TNRC18: variants seen among roughly 807,000 people sequenced by gnomAD.
The protein encoded by TNRC18 is trinucleotide repeat-containing gene 18 protein.
Under a neutral mutation model 226.7 loss-of-function variants are expected in TNRC18, and 69 were observed. The ratio of observed to expected loss-of-function variants is 0.30; its 90% CI spans 0.25 to 0.37. The LOEUF (loss-of-function observed/expected upper bound fraction) is 0.37. Among genes scored for constraint, TNRC18 ranks in the 10% least tolerant of loss-of-function variants. The pLI is 1.00. For missense variants in TNRC18, 4,754 were observed against 4,256.6 expected (o/e 1.12, Z -3.25); for synonymous variants, 2,449 against 1,927.6 (o/e 1.27, Z -7.09).
At chr7:5,321,299 G>A (rs1583760207) in intron 21 of TNRC18, 109 bp from the exon 22 acceptor site, 13 of 777,664 alleles carry the variant, frequency 1.7e-5, no homozygotes, top group East Asian at 2.8e-5. Context: ...CCCTGGTACC[G>A]GGTGGGCCTG....
chr7:5,353,305 G>T (rs917652361), intron 16 of TNRC18, among the ~76,000 whole-genome samples: 1 of 152,184 alleles, frequency 6.6e-6, no homozygotes, highest in African/African-American at 2.4e-5. Flanking sequence ...GGGAGGCTGA[G>T]GCGGGCAGCT....
intron 17 of TNRC18, among the ~76,000 whole-genome samples, chr7:5,351,127 G>T (rs1401049594): frequency 6.6e-6 from 1 of 152,022 alleles, no homozygotes; most frequent in Non-Finnish European, 1.5e-5. Context: ...CGCTACCAGG[G>T]ATATTTGAAT....
intron 5 of TNRC18, among the ~76,000 whole-genome samples, chr7:5,385,069 C>A (rs11766057): frequency 0.15 from 22,984 of 152,336 alleles, 2,315 homozygotes; most frequent in Middle Eastern, 0.24. Context: ...GTGGCTCCAC[C>A]GGGAGGTGAA....
In TNRC18 at chr7:5,332,677, G is replaced by A. The variant is rs757624345; in HGVS notation, c.6092C>T (p.Pro2031Leu). ...CCCGGCGTCCTTGCGCGGGCTCAGGGGGCCGCCCTTGGCGCAGCGGCTGGT... is the reference window on the plus strand; with the variant it reads ...CCCGGCGTCCTTGCGCGGGCTCAGGAGGCCGCCCTTGGCGCAGCGGCTGGT... ...TKTSRCAKGG[P>L]LSPRKDAGRA... The change falls in exon 19 of 30, where the codon CCC becomes CTC. Residue 2031 changes from proline (P) to leucine (L), a missense_variant. By Grantham distance (98) the Pro-to-Leu change is moderately conservative. Coordinates refer to ENST00000430969, the MANE Select transcript of TNRC18 (RefSeq NM_001080495.3). 1.1e-5 allele frequency: 17 copies of A among 1,531,126 alleles called. No individual in the cohort carries two copies. The Admixed American group carries it at 3.3e-4, about 30-fold the overall frequency. 94.8% of individuals were successfully genotyped at this position (1,531,126 alleles called of 1,614,324 possible).
intron 19 of TNRC18, among the ~76,000 whole-genome samples, chr7:5,330,286 G>A (rs1227201122): frequency 6.6e-6 from 1 of 152,068 alleles, no homozygotes; most frequent in African/African-American, 2.4e-5. Context: ...CTGGAGTGAG[G>A]CAGTATGATC....
intron 2 of TNRC18, among the ~76,000 whole-genome samples, chr7:5,395,110 T>C (rs774239101): frequency 6.6e-5 from 10 of 151,398 alleles, no homozygotes; most frequent in Non-Finnish European, 1.2e-4. Context: ...GCCAGCCCCG[T>C]GTGCCCATTT....
intron 19 of TNRC18, among the ~76,000 whole-genome samples, chr7:5,327,604 T>C (rs563062519): frequency 2.0e-5 from 3 of 152,020 alleles, no homozygotes; most frequent in African/African-American, 7.2e-5. Flanking sequence ...CAAAAGGAAA[T>C]GACAGCAGAA....
intron 2 of TNRC18, among the ~76,000 whole-genome samples, chr7:5,403,287 A>T (rs1037483064): frequency 6.6e-6 from 1 of 151,686 alleles, no homozygotes; most frequent in African/African-American, 2.4e-5. Flanking sequence ...CAGCCTCCCG[A>T]GTAGCTGGGA....
chr7:5,341,288 G>T (rs1473745849), intron 18 of TNRC18, among the ~76,000 whole-genome samples: 1 of 151,370 alleles, frequency 6.6e-6, no homozygotes, highest in African/African-American at 2.4e-5. Context: ...GCATGGTGGC[G>T]GGCACCTGTA....
intron 17 of TNRC18, among the ~76,000 whole-genome samples, chr7:5,348,272 G>A (rs952465400): frequency 7.2e-5 from 11 of 152,230 alleles, no homozygotes; most frequent in Non-Finnish European, 5.9e-5. Context: ...CCATGAGCAG[G>A]TGACAGGGGT....
chr7:5,400,806 A>G (rs1001703177), intron 2 of TNRC18, among the ~76,000 whole-genome samples: 1 of 152,122 alleles, frequency 6.6e-6, no homozygotes, highest in Non-Finnish European at 1.5e-5. Flanking sequence ...CCAGAGGTCA[A>G]GGTGGGCAGC....
At chr7:5,365,836 G>A (rs1237876628) in intron 11 of TNRC18, among the ~76,000 whole-genome samples, 2 of 151,952 alleles carry the variant, frequency 1.3e-5, no homozygotes, top group African/African-American at 2.4e-5. Flanking sequence ...TTGGGAGGCC[G>A]AGGCGGGCGG....
intron 5 of TNRC18, among the ~76,000 whole-genome samples, chr7:5,387,201 G>A (rs1424934721): frequency 6.6e-6 from 1 of 152,178 alleles, no homozygotes; most frequent in Non-Finnish European, 1.5e-5. Flanking sequence ...TATCAAGACC[G>A]TGAGGATGTT....
chr7:5,378,100 AC>A, intron 5 of TNRC18, 76 bp from the exon 6 acceptor site: 1 of 1,246,038 alleles, frequency 8.0e-7, no homozygotes, highest in Non-Finnish European at 1.1e-6. Flanking sequence ...CACTGCCCTC[AC>A]CCCTCCCTGG....
At chr7:5,412,771 G>C (rs1781927142) in intron 2 of TNRC18, among the ~76,000 whole-genome samples, 1 of 152,144 alleles carries the variant, frequency 6.6e-6, no homozygotes, top group Admixed American at 6.6e-5. Flanking sequence ...AGATGGAGCA[G>C]TGTTCTATCT....
At chr7:5,385,352 G>A (rs1195893575) in intron 5 of TNRC18, among the ~76,000 whole-genome samples, 1 of 152,088 alleles carries the variant, frequency 6.6e-6, no homozygotes, top group Non-Finnish European at 1.5e-5. Flanking sequence ...GCCGGGCGCG[G>A]TGGCGGGCGC....
Position 5,313,813 on chromosome 7 carries a change from T to A in TNRC18, c.7078A>T (p.Thr2360Ser), listed in dbSNP as rs556530143. Residue 2360 changes from threonine (T) to serine (S), a missense_variant, in exon 27 of 30, where the codon ACC (threonine) becomes TCC (serine). By Grantham distance (58) the Thr-to-Ser change is moderately conservative. Transcript: ENST00000430969. The stretch of plus-strand genomic sequence containing the variant: ...CTGCTCGGCTCCAGGGCTAAGGGGG[T>A]ACTGGGGACCTCGTCTGTTGGGTTC... The part of the protein sequence containing the change: ...EGNPTDEVPS[T>S]PLALEPSSTP... The A allele has an allele frequency of 2.3e-4, 348 of 1,513,046 alleles. 5 individuals carry two copies. The South Asian group carries it at 4.5e-3, about 20-fold the overall frequency. 93.7% of individuals were successfully genotyped at this position (1,513,046 alleles called of 1,614,324 possible). A position where few individuals can be genotyped will look rare whatever the true frequency, so the allele number is the denominator to read the frequency against.
At chr7:5,391,339 T>G (rs1452825426) in intron 3 of TNRC18, among the ~76,000 whole-genome samples, 2 of 148,936 alleles carry the variant, frequency 1.3e-5, no homozygotes, top group African/African-American at 2.5e-5. Context: ...TGAGACAGAG[T>G]CTTACTCTGT....
At chr7:5,381,334 G>A (rs1254094327) in intron 5 of TNRC18, among the ~76,000 whole-genome samples, 2 of 152,020 alleles carry the variant, frequency 1.3e-5, no homozygotes, top group African/African-American at 2.4e-5. Flanking sequence ...GGACCTGGCC[G>A]GCCTCTCGAG....
Sources: gnomAD v4.1 joint callset for allele counts (sites outside exome capture counted in the v4.1 genomes callset) on GRCh38, gnomAD v4.1.1 for gene constraint, MANE v1.5 for transcripts, NCBI Gene and HGNC (gene_info 2026-07-23, HGNC 2026-07-21) for gene names.